The following LOC400499 variants were observed in gnomAD, a reference collection of about 807,000 sequenced individuals.
the LOC400499 span, chr16:11,441,109 G>C: frequency 5.0e-6 from 2 of 398,900 alleles, no homozygotes; most frequent in African/African-American, 4.1e-5. Flanking sequence ...CACTGAGAGA[G>C]GTCTCATCCC....
chr16:11,445,790 T>C, the LOC400499 span, among the ~76,000 whole-genome samples: 2 of 151,312 alleles, frequency 1.3e-5, no homozygotes, highest in Non-Finnish European at 2.9e-5. Flanking sequence ...ACATAGACTG[T>C]ACTAGGGAGG....
the LOC400499 span, among the ~76,000 whole-genome samples, chr16:11,512,494 T>G: frequency 6.6e-6 from 1 of 150,884 alleles, no homozygotes; most frequent in African/African-American, 2.4e-5. Context: ...TGCCAGGTAC[T>G]CAGAGGCTGA....
chr16:11,401,646 G>A, the LOC400499 span, among the ~76,000 whole-genome samples: 2 of 152,214 alleles, frequency 1.3e-5, no homozygotes, highest in East Asian at 1.9e-4. Flanking sequence ...ACTGGAGGTC[G>A]CGCTCCTCCT....
chr16:11,448,851 A>G, the LOC400499 span: 2 of 1,271,918 alleles, frequency 1.6e-6, no homozygotes, highest in Non-Finnish European at 2.1e-6. Context: ...CGAAGCAGGG[A>G]GAGAGGTAGG....
chr16:11,475,519 T>C, the LOC400499 span: 1 of 396,282 alleles, frequency 2.5e-6, no homozygotes, highest in Non-Finnish European at 4.4e-6. Flanking sequence ...AGAATATGAA[T>C]ACTTTTAGGG....
the LOC400499 span, among the ~76,000 whole-genome samples, chr16:11,454,949 C>T: frequency 1.3e-5 from 2 of 152,176 alleles, no homozygotes; most frequent in Non-Finnish European, 2.9e-5. Context: ...TGGAGCAGGA[C>T]TCAGGCTCCA....
chr16:11,395,948 G>C, the LOC400499 span, among the ~76,000 whole-genome samples: 1 of 152,214 alleles, frequency 6.6e-6, no homozygotes, highest in Non-Finnish European at 1.5e-5. Context: ...CACCTGGCCA[G>C]GTCAGGGCAG....
the LOC400499 span, among the ~76,000 whole-genome samples, chr16:11,511,260 G>A: frequency 1.3e-5 from 2 of 152,156 alleles, no homozygotes; most frequent in African/African-American, 4.8e-5. Flanking sequence ...GCCTCCCAAG[G>A]TGCTGGGATT....
chr16:11,512,698 T>G, the LOC400499 span, among the ~76,000 whole-genome samples: 3 of 152,178 alleles, frequency 2.0e-5, no homozygotes, highest in African/African-American at 7.2e-5. Flanking sequence ...CTTTAAATGG[T>G]GAATTGTATG....
chr16:11,487,749 T>C, the LOC400499 span, among the ~76,000 whole-genome samples: 1 of 104,004 alleles, frequency 9.6e-6, no homozygotes, highest in Admixed American at 8.8e-5. Context: ...TAATCTCTTT[T>C]CTTAACACAG....
the LOC400499 span, chr16:11,460,157 G>A: frequency 1.9e-6 from 2 of 1,027,516 alleles, no homozygotes; most frequent in African/African-American, 3.3e-5. Flanking sequence ...CTGGTTTTCA[G>A]AAGAGACGGT....
the LOC400499 span, among the ~76,000 whole-genome samples, chr16:11,477,597 G>A: frequency 0.02 from 3,096 of 152,340 alleles, 54 homozygotes; most frequent in Non-Finnish European, 0.029. Context: ...ACCTCGTACT[G>A]CGGTGTGACC....
At chr16:11,435,614 G>T in the LOC400499 span, 1 of 399,262 alleles carries the variant, frequency 2.5e-6, no homozygotes, top group Non-Finnish European at 4.4e-6. Flanking sequence ...CAGCCTTTTG[G>T]CCTCTGTGGT....
the LOC400499 span, among the ~76,000 whole-genome samples, chr16:11,515,503 G>GTACA: frequency 6.2e-3 from 895 of 145,116 alleles, 18 homozygotes; most frequent in African/African-American, 0.024. Flanking sequence ...ACATACGTAC[G>GTACA]TACATACATA....
chr16:11,468,847 G>A, the LOC400499 span, among the ~76,000 whole-genome samples: 2 of 152,120 alleles, frequency 1.3e-5, no homozygotes, highest in East Asian at 1.9e-4. Context: ...GGCTGGTCTC[G>A]AACTCCTGAT....
the LOC400499 span, among the ~76,000 whole-genome samples, chr16:11,426,089 A>AT: frequency 2.6e-5 from 4 of 152,226 alleles, no homozygotes; most frequent in South Asian, 8.3e-4. Flanking sequence ...AAACCATATG[A>AT]ATATGTACTA....
At chr16:11,458,680 A>G in the LOC400499 span, among the ~76,000 whole-genome samples, 1 of 152,126 alleles carries the variant, frequency 6.6e-6, no homozygotes, top group African/African-American at 2.4e-5. Context: ...GGAGATAAGT[A>G]GTGGTGATGG....
the LOC400499 span, among the ~76,000 whole-genome samples, chr16:11,374,116 T>C: frequency 1.4e-4 from 22 of 152,256 alleles, no homozygotes; most frequent in Non-Finnish European, 2.9e-4. Flanking sequence ...TAATAATTTC[T>C]AGTTCCCTGC....
the LOC400499 span, among the ~76,000 whole-genome samples, chr16:11,426,677 C>T: frequency 6.6e-6 from 1 of 150,676 alleles, no homozygotes; most frequent in Non-Finnish European, 1.5e-5. Flanking sequence ...ACCTGTAATC[C>T]CAGCACTTTG....
Sources: gnomAD v4.1 joint callset for allele counts (sites outside exome capture counted in the v4.1 genomes callset) on GRCh38, gnomAD v4.1.1 for gene constraint, MANE v1.5 for transcripts.